Variants in SLC6A6 observed in about 807,000 individuals in gnomAD.
SLC6A6 encodes solute carrier family 6 member 6, also known as sodium- and chloride-dependent taurine transporter.
Under a neutral mutation model 68.8 loss-of-function variants are expected in SLC6A6, and 16 were observed. That is an observed-to-expected ratio of 0.23 (90% CI 0.16 to 0.35). SLC6A6 has a LOEUF of 0.35. Ranked by LOEUF, SLC6A6 falls within the 10% of genes least tolerant of loss-of-function variation. The pLI, the probability that SLC6A6 is intolerant of heterozygous loss-of-function variation, is 1.00. For synonymous variants in SLC6A6, 312 were observed against 315.4 expected, an observed-to-expected ratio of 0.99 and a Z score of 0.12; for missense variants, 474 against 802.8, an observed-to-expected ratio of 0.59 and a Z score of 4.95.
At chr3:14,432,071 C>A (rs1434978603) in intron 2 of SLC6A6, among the ~76,000 whole-genome samples, 1 of 152,158 alleles carries the variant, frequency 6.6e-6, no homozygotes, top group Non-Finnish European at 1.5e-5. Context: ...TGGGGCTGGC[C>A]CGGCTCCTGC....
chr3:14,402,740 G>A lies in SLC6A6; in HGVS notation c.-161G>A, dbSNP rs1248096366. 1 of 398,012 alleles carries A rather than the reference G, an allele frequency of 2.5e-6. No homozygotes were observed. Among genetic ancestry groups the A allele is most frequent in the African/African-American group, 2.1e-5 (1 of 48,602 alleles). 24.7% of individuals were successfully genotyped at this position (398,012 alleles called of 1,614,324 possible). A position where few individuals can be genotyped will look rare whatever the true frequency, so the allele number is the denominator to read the frequency against. On this transcript the variant is annotated 5_prime_UTR_variant, in exon 1 of 15. It adds an upstream start codon to the 5' untranslated region. Coordinates refer to ENST00000622186, the MANE Select transcript of SLC6A6 (RefSeq NM_003043.6). This position sits in a 1 kb window ranked among gnomAD's most constrained non-coding sequence, Gnocchi z 4.8. ...AGAGGACAAGCTGCGCCAAGAGGGA[G>A]TGCGGAGCGTTCACCCAGCGGGTCA...
At chr3:14,452,949 C>T (rs1700286426) in intron 5 of SLC6A6, among the ~76,000 whole-genome samples, 1 of 152,218 alleles carries the variant, frequency 6.6e-6, no homozygotes, top group South Asian at 2.1e-4. Context: ...CCCCTGGGAG[C>T]TCGGCACGTA....
chr3:14,445,929 C>G, intron 4 of SLC6A6, 78 bp downstream of exon 4: 1 of 1,478,512 alleles, frequency 6.8e-7, no homozygotes, highest in Non-Finnish European at 9.4e-7. Flanking sequence ...TATTGTCTGC[C>G]AGGTCCATTG....
intron 1 of SLC6A6, among the ~76,000 whole-genome samples, chr3:14,408,001 A>G (rs1036142536): frequency 6.6e-6 from 1 of 152,006 alleles, no homozygotes; most frequent in African/African-American, 2.4e-5. Context: ...ATGTTCCACA[A>G]TGCGTTCATC....
intron 5 of SLC6A6, among the ~76,000 whole-genome samples, chr3:14,451,326 T>G (rs1700246966): frequency 6.6e-6 from 1 of 152,180 alleles, no homozygotes; most frequent in African/African-American, 2.4e-5. Context: ...CATCTGCAGA[T>G]GGAGGAGCAT....
At chr3:14,425,405 G>A (rs1255919593) in intron 2 of SLC6A6, among the ~76,000 whole-genome samples, 2 of 152,198 alleles carry the variant, frequency 1.3e-5, no homozygotes, top group Non-Finnish European at 2.9e-5. Context: ...GCAGAGGCAG[G>A]GAGGGCCCCT....
At position 14,468,232 on chromosome 3, in the gene SLC6A6, A is replaced by G. The variant is rs1213190083; in HGVS notation, c.1096+20A>G. 3.7e-6 allele frequency: 6 copies of G among 1,608,806 alleles called. No individual in the cohort carries two copies. In the African/African-American group the frequency reaches 5.4e-5, roughly 14 times the overall value. ...AGTCAGGTACGGTGGTATCGGTGGC[A>G]GTGGTGGTGGGCACTGCCACCTAGT... On this transcript the variant is annotated intron_variant, in intron 9 of 14. Coordinates refer to ENST00000622186, the MANE Select transcript of SLC6A6 (RefSeq NM_003043.6). The surrounding 1 kb of genome is among the most constrained non-coding windows in gnomAD (Gnocchi z 4.5).
At chr3:14,474,460 G>A (rs868463827) in intron 10 of SLC6A6, among the ~76,000 whole-genome samples, 9 of 152,242 alleles carry the variant, frequency 5.9e-5, no homozygotes, top group South Asian at 2.1e-4. Context: ...CATCACCACC[G>A]TCCGTCTCCA....
In SLC6A6 at chr3:14,443,938, G is replaced by A. The variant is rs376185365; in HGVS notation, c.229+75G>A. 220 of 1,052,334 alleles carry A rather than the reference G, an allele frequency of 2.1e-4. 1 individual carries two copies. The highest frequency in any genetic ancestry group is 6.6e-4 in the South Asian group (50 of 75,490). 65.2% of individuals were successfully genotyped at this position (1,052,334 alleles called of 1,614,324 possible). A position where few individuals can be genotyped will look rare whatever the true frequency, so the allele number is the denominator to read the frequency against. The stretch of plus-strand genomic sequence containing the variant: ...TAGAGCTGGAGGCTGGGACCAGAGC[G>A]TGGGTGGCCTCTCTTTCCCTGCTTT... On this transcript the variant is annotated intron_variant, in intron 3 of 14. Coordinates refer to ENST00000622186, the MANE Select transcript of SLC6A6 (RefSeq NM_003043.6).
At chr3:14,409,902 T>C (rs921461791) in intron 1 of SLC6A6, among the ~76,000 whole-genome samples, 24 of 152,216 alleles carry the variant, frequency 1.6e-4, no homozygotes, top group African/African-American at 5.1e-4. Context: ...AAAGAGCCAT[T>C]GTTGGCCAGG....
chr3:14,459,369 A>G (rs1293343810), intron 6 of SLC6A6, among the ~76,000 whole-genome samples: 3 of 152,212 alleles, frequency 2.0e-5, no homozygotes, highest in Non-Finnish European at 4.4e-5. Flanking sequence ...ATAGATTTGT[A>G]GAGATCCAAG....
At chr3:14,407,371 T>TA (rs917261766) in intron 1 of SLC6A6, among the ~76,000 whole-genome samples, 2 of 152,208 alleles carry the variant, frequency 1.3e-5, no homozygotes, top group South Asian at 2.1e-4. Context: ...AAGATTCTGT[T>TA]ACGGTTTGAT....
At position 14,427,480 on chromosome 3, in the gene SLC6A6, C is replaced by T. The variant is rs547020212; in HGVS notation, c.-12+11027C>T. On this transcript the variant is annotated intron_variant, in intron 2 of 14. Transcript: ENST00000622186. ...TCCTGGCTAGCCCCGCCTTCCTTCC[C>T]AGGCCTCTGTCTGCTTACTATATGT... 9.8e-4 allele frequency among the ~76,000 whole-genome samples: 149 copies of T among 152,322 alleles called. 1 individual carries two copies. The highest frequency in any genetic ancestry group is 3.5e-3 in the African/African-American group (146 of 41,566).
intron 6 of SLC6A6, among the ~76,000 whole-genome samples, chr3:14,461,462 G>T (rs1440177675): frequency 6.6e-6 from 1 of 152,220 alleles, no homozygotes; most frequent in Non-Finnish European, 1.5e-5. Context: ...CGTGTGGCAG[G>T]CATGTCCCTG....
At chr3:14,475,654 CT>C (rs1227444234) in intron 10 of SLC6A6, among the ~76,000 whole-genome samples, 10 of 152,160 alleles carry the variant, frequency 6.6e-5, no homozygotes. Flanking sequence ...GGTCTTGGCC[CT>C]GATTCACAGC....
At chr3:14,444,955 C>T in intron 3 of SLC6A6, 1 of 422,722 alleles carries the variant, frequency 2.4e-6, no homozygotes, top group South Asian at 1.7e-5. Context: ...CCCCTTACCA[C>T]CTCACCCTTC....
At chr3:14,444,304 C>T in intron 3 of SLC6A6, 1 of 187,820 alleles carries the variant, frequency 5.3e-6, no homozygotes, top group South Asian at 1.0e-4. Context: ...ATTCTGTTAC[C>T]CGCTGTAGAT....
chr3:14,450,139 A>G lies in SLC6A6; in HGVS notation c.599+2323A>G, dbSNP rs1037893847. Among the ~76,000 whole-genome samples the G allele has an allele frequency of 1.3e-5, 2 of 151,512 alleles. No homozygotes were observed. Among genetic ancestry groups the G allele is most frequent in the Non-Finnish European group, 2.9e-5 (2 of 67,886 alleles). On this transcript the variant is annotated intron_variant, in intron 5 of 14. Coordinates refer to ENST00000622186, the MANE Select transcript of SLC6A6 (RefSeq NM_003043.6). The surrounding 1 kb of genome is among the most constrained non-coding windows in gnomAD (Gnocchi z 4.1). ...TTGTGTGTTATGAACTTAAAGAATC[A>G]CCCCCTATTGTAAAGGGGTCATCCT... is the stretch of plus-strand genomic sequence containing the variant.
intron 2 of SLC6A6, among the ~76,000 whole-genome samples, chr3:14,430,154 AT>A (rs1699689520): frequency 1.3e-5 from 2 of 152,152 alleles, no homozygotes; most frequent in Admixed American, 1.3e-4. Context: ...GGTGGCAGAG[AT>A]TGGGGGCAAG....
Sources: gnomAD v4.1 joint callset for allele counts (sites outside exome capture counted in the v4.1 genomes callset) on GRCh38, gnomAD v4.1.1 for gene constraint, Gnocchi (gnomAD v3.1) non-coding constraint, MANE v1.5 for transcripts, NCBI Gene and HGNC (gene_info 2026-07-23, HGNC 2026-07-21) for gene names.